ADAMTSL1: variants seen among roughly 807,000 people sequenced by gnomAD.
ADAMTSL1 encodes ADAMTS like 1.
A neutral mutation model predicts 201.8 loss-of-function variants in ADAMTSL1; 126 were observed. That is an observed-to-expected ratio of 0.62 (90% confidence interval 0.54 to 0.72). The LOEUF is 0.72. Among genes scored for constraint, ADAMTSL1 ranks in the 30% least tolerant of loss-of-function variants. The pLI is 0.00. For synonymous variants in ADAMTSL1, 1,121 were observed against 903.4 expected (o/e 1.24, Z -4.32); for missense variants, 2,679 against 2,277.8 (o/e 1.18, Z -3.59).
intron 2 of ADAMTSL1, among the ~76,000 whole-genome samples, chr9:18,260,132 C>G (rs186505779): frequency 6.6e-6 from 1 of 152,276 alleles, no homozygotes; most frequent in East Asian, 1.9e-4. Context: ...AGCTTTAATT[C>G]CATTTCAGCT....
At chr9:18,884,370 T>C (rs1374538266) in intron 23 of ADAMTSL1, among the ~76,000 whole-genome samples, 3 of 152,218 alleles carry the variant, frequency 2.0e-5, no homozygotes, top group Non-Finnish European at 2.9e-5. Context: ...TGTGAGTTGC[T>C]TTTTCACTCA....
At chr9:17,983,315 C>T (rs1158832473) in intron 1 of ADAMTSL1, among the ~76,000 whole-genome samples, 2 of 151,826 alleles carry the variant, frequency 1.3e-5, no homozygotes, top group East Asian at 1.9e-4. Context: ...GTGATCTGCC[C>T]GCCTCAGCCT....
chr9:18,273,858 C>T (rs1304028506), intron 2 of ADAMTSL1, among the ~76,000 whole-genome samples: 1 of 152,196 alleles, frequency 6.6e-6, no homozygotes, highest in Non-Finnish European at 1.5e-5. Flanking sequence ...TATCAAATAT[C>T]TACATTTATC....
At chr9:18,274,808 A>T (rs1258092147) in intron 2 of ADAMTSL1, among the ~76,000 whole-genome samples, 3 of 152,224 alleles carry the variant, frequency 2.0e-5, no homozygotes, top group Non-Finnish European at 4.4e-5. Context: ...TCCTGTTTGC[A>T]GCACTGCATT....
At chr9:18,619,158 A>T (rs1187025901) in intron 4 of ADAMTSL1, among the ~76,000 whole-genome samples, 1 of 152,134 alleles carries the variant, frequency 6.6e-6, no homozygotes, top group Non-Finnish European at 1.5e-5. Flanking sequence ...CCATTTTTGT[A>T]TTTCTGTTTA....
At chr9:17,987,204 C>T (rs956515642) in intron 1 of ADAMTSL1, among the ~76,000 whole-genome samples, 1 of 152,044 alleles carries the variant, frequency 6.6e-6, no homozygotes, top group Non-Finnish European at 1.5e-5. Flanking sequence ...GTAGCAGATG[C>T]ATCAGGGCAG....
chr9:18,057,108 G>T (rs890392419), intron 1 of ADAMTSL1, among the ~76,000 whole-genome samples: 3 of 152,286 alleles, frequency 2.0e-5, no homozygotes, highest in East Asian at 1.9e-4. Context: ...ACTAGGTACA[G>T]CAGAGACCTT....
chr9:18,330,296 A>T (rs1834978806), intron 2 of ADAMTSL1, among the ~76,000 whole-genome samples: 1 of 152,056 alleles, frequency 6.6e-6, no homozygotes, highest in African/African-American at 2.4e-5. Flanking sequence ...ATTAGGACTC[A>T]GTTTTCCAGA....
intron 2 of ADAMTSL1, among the ~76,000 whole-genome samples, chr9:18,444,194 T>A (rs1820102797): frequency 6.6e-6 from 1 of 152,206 alleles, no homozygotes; most frequent in Admixed American, 6.5e-5. Context: ...TTTATTTTTT[T>A]AGTTTTTGCA....
At chr9:18,826,121 A>G (rs1448010619) in intron 21 of ADAMTSL1, 163 bp from the exon 22 acceptor site, 5 of 761,152 alleles carry the variant, frequency 6.6e-6, no homozygotes, top group African/African-American at 1.8e-5. Flanking sequence ...TCCTTATCCT[A>G]CCAGGCTCTG....
upstream of ADAMTSL1, among the ~76,000 whole-genome samples, chr9:18,469,356 C>G (rs1370380535): frequency 1.3e-5 from 2 of 152,184 alleles, no homozygotes; most frequent in East Asian, 3.9e-4. Context: ...TTCTCTATGC[C>G]TCAGTGTTCT....
chr9:18,833,611 A>G (rs907317552), intron 23 of ADAMTSL1, among the ~76,000 whole-genome samples: 1 of 152,176 alleles, frequency 6.6e-6, no homozygotes, highest in Non-Finnish European at 1.5e-5. Flanking sequence ...TGTCAGATGT[A>G]TACTTTGCAA....
intron 2 of ADAMTSL1, among the ~76,000 whole-genome samples, chr9:18,305,702 C>T (rs1189638889): frequency 2.0e-5 from 3 of 152,234 alleles, no homozygotes; most frequent in Non-Finnish European, 4.4e-5. Context: ...ATGCAGCAGC[C>T]GCAGTCAGGG....
chr9:18,469,337 G>C (rs1821119896), upstream of ADAMTSL1, among the ~76,000 whole-genome samples: 1 of 152,182 alleles, frequency 6.6e-6, no homozygotes, highest in South Asian at 2.1e-4. Context: ...ATTTGGGCAA[G>C]TACTTTAATT....
intron 1 of ADAMTSL1, among the ~76,000 whole-genome samples, chr9:18,088,550 A>T (rs73420847): frequency 0.014 from 2,158 of 152,302 alleles, 50 homozygotes; most frequent in African/African-American, 0.049. Context: ...TAATAACCCA[A>T]TTAAAAATAA....
intron 28 of ADAMTSL1, chr9:18,907,272 A>C: frequency 3.7e-6 from 1 of 269,382 alleles, no homozygotes; most frequent in Non-Finnish European, 7.1e-6. Context: ...TAAACAGAAA[A>C]TGCTGTTAAC....
At chr9:18,261,192 C>A (rs1361838130) in intron 2 of ADAMTSL1, among the ~76,000 whole-genome samples, 1 of 151,868 alleles carries the variant, frequency 6.6e-6, no homozygotes, top group Non-Finnish European at 1.5e-5. Flanking sequence ...ATTTCTGTGG[C>A]CACAGGACAG....
chr9:18,375,881 A>G (rs1837271943), intron 2 of ADAMTSL1, among the ~76,000 whole-genome samples: 1 of 152,108 alleles, frequency 6.6e-6, no homozygotes, highest in Non-Finnish European at 1.5e-5. Flanking sequence ...CCATTTTACA[A>G]ACCTCTAGCT....
chr9:18,161,550 C>A (rs775887645), intron 1 of ADAMTSL1, among the ~76,000 whole-genome samples: 1 of 152,018 alleles, frequency 6.6e-6, no homozygotes, highest in Non-Finnish European at 1.5e-5. Flanking sequence ...CATGTCAATT[C>A]TGGATTACTG....
Sources: allele counts gnomAD v4.1 joint callset (sites outside exome capture counted in the v4.1 genomes callset), GRCh38; gene constraint gnomAD v4.1.1; transcripts MANE v1.5; gene names NCBI Gene and HGNC (gene_info 2026-07-23, HGNC 2026-07-21).